FCHSD2: variants seen among roughly 807,000 people sequenced by gnomAD.
FCHSD2 encodes the protein FCH and double SH3 domains 2.
In FCHSD2, 38 loss-of-function variants were observed where a neutral mutation model predicts 108.1. The ratio of observed to expected loss-of-function variants is 0.35; its 90% confidence interval spans 0.27 to 0.46. The LOEUF is 0.46. Ranked by LOEUF, FCHSD2 falls within the 20% of genes least tolerant of loss-of-function variation. The pLI is 1.00. For synonymous variants in FCHSD2, 279 were observed against 314.7 expected, an observed-to-expected ratio of 0.89 and a Z score of 1.20; for missense variants, 751 against 897.8, an observed-to-expected ratio of 0.84 and a Z score of 2.09.
intron 3 of FCHSD2, among the ~76,000 whole-genome samples, chr11:73,079,787 CA>C (rs1465797455): frequency 6.6e-6 from 1 of 151,868 alleles, no homozygotes; most frequent in East Asian, 1.9e-4. Context: ...ATCTAAAGGG[CA>C]AATGTGATAA....
intron 4 of FCHSD2, among the ~76,000 whole-genome samples, chr11:73,005,340 A>C (rs1857716910): frequency 6.6e-6 from 1 of 152,216 alleles, no homozygotes; most frequent in African/African-American, 2.4e-5. Flanking sequence ...TTGCTTGCCA[A>C]AGTCATCAAA....
At chr11:73,098,630 A>T (rs1426389070) in intron 2 of FCHSD2, among the ~76,000 whole-genome samples, 1 of 152,202 alleles carries the variant, frequency 6.6e-6, no homozygotes, top group Non-Finnish European at 1.5e-5. Flanking sequence ...ATCTATGATC[A>T]GCTGATTTTC....
intron 1 of FCHSD2, chr11:73,141,081 G>A (rs1861235595): frequency 6.6e-6 from 1 of 152,314 alleles, no homozygotes; most frequent in African/African-American, 2.4e-5. Context: ...CCATCTGTAG[G>A]ATTAAAAAGA....
intron 3 of FCHSD2, among the ~76,000 whole-genome samples, chr11:73,055,732 G>C (rs1048016724): frequency 6.6e-6 from 1 of 152,122 alleles, no homozygotes; most frequent in African/African-American, 2.4e-5. Context: ...ACAATCTGTA[G>C]AGTAGAAAAG....
intron 2 of FCHSD2, among the ~76,000 whole-genome samples, chr11:73,120,356 G>T (rs1860702446): frequency 1.3e-5 from 2 of 152,206 alleles, no homozygotes; most frequent in East Asian, 3.8e-4. Context: ...CATTTTAAAA[G>T]TCTATTAAGT....
At chr11:73,031,421 A>G (rs1858357865) in intron 3 of FCHSD2, among the ~76,000 whole-genome samples, 2 of 151,944 alleles carry the variant, frequency 1.3e-5, no homozygotes, top group Non-Finnish European at 2.9e-5. Flanking sequence ...GGCTGCATTG[A>G]GTTGTGACTA....
chr11:73,049,599 G>A (rs1207090086), intron 3 of FCHSD2, among the ~76,000 whole-genome samples: 1 of 150,900 alleles, frequency 6.6e-6, no homozygotes, highest in Non-Finnish European at 1.5e-5. Context: ...ACACGTTAGT[G>A]GGTGCAGCGC....
At chr11:72,956,135 C>G (rs566393403) in intron 8 of FCHSD2, among the ~76,000 whole-genome samples, 1 of 151,944 alleles carries the variant, frequency 6.6e-6, no homozygotes, top group East Asian at 1.9e-4. Flanking sequence ...GCAATTTGAG[C>G]GTAAAAATAA....
intron 2 of FCHSD2, among the ~76,000 whole-genome samples, chr11:73,126,495 C>A (rs961069953): frequency 5.3e-5 from 8 of 151,754 alleles, no homozygotes; most frequent in African/African-American, 1.9e-4. Flanking sequence ...ATTCTTAATA[C>A]TTGTACATAT....
chr11:72,942,722 C>T (rs1477322327), intron 8 of FCHSD2, among the ~76,000 whole-genome samples: 1 of 152,068 alleles, frequency 6.6e-6, no homozygotes, highest in South Asian at 2.1e-4. Context: ...ATGGTATATG[C>T]TATGCTATTC....
intron 8 of FCHSD2, among the ~76,000 whole-genome samples, chr11:72,948,075 T>G (rs1856552083): frequency 6.6e-6 from 1 of 152,206 alleles, no homozygotes; most frequent in African/African-American, 2.4e-5. Context: ...TGGTGCGATC[T>G]CGGCTCACTG....
At chr11:72,934,977 A>G (rs752109059) in intron 8 of FCHSD2, among the ~76,000 whole-genome samples, 1 of 152,132 alleles carries the variant, frequency 6.6e-6, no homozygotes, top group African/African-American at 2.4e-5. Context: ...CCAGGTAGCT[A>G]TTAGGCCACA....
At position 72,837,832 on chromosome 11, in the gene FCHSD2, T is replaced by C. The variant is rs1860779819; in HGVS notation, c.*959A>G. 6.6e-6 allele frequency: 1 copy of C among 152,254 alleles called. No individual in the cohort carries two copies. The highest frequency in any genetic ancestry group is 2.4e-5 in the African/African-American group (1 of 41,466). The allele number at this position is 152,254 out of a possible 1,614,324, so 9.4% of individuals were successfully genotyped here. A position where few individuals can be genotyped will look rare whatever the true frequency, so the allele number is the denominator to read the frequency against. On this transcript the variant is annotated 3_prime_UTR_variant, in exon 20 of 20. Transcript: ENST00000409418. ...GTCTGGACCAGCCACAGCCTGGCTG[T>C]CTGGGCCGGTCTGCTGGCTTGGGAA...
intron 12 of FCHSD2, among the ~76,000 whole-genome samples, chr11:72,884,889 C>G (rs2135241040): frequency 6.6e-6 from 1 of 152,212 alleles, no homozygotes; most frequent in East Asian, 1.9e-4. Context: ...ACCACTGCAC[C>G]TGGCCTAAAA....
intron 2 of FCHSD2, among the ~76,000 whole-genome samples, chr11:73,128,184 G>A (rs1290295512): frequency 6.6e-6 from 1 of 152,110 alleles, no homozygotes; most frequent in African/African-American, 2.4e-5. Context: ...AAGGAATTGG[G>A]AAGAGGGAAT....
At chr11:73,033,341 C>T (rs1219154432) in intron 3 of FCHSD2, among the ~76,000 whole-genome samples, 2 of 151,198 alleles carry the variant, frequency 1.3e-5, no homozygotes, top group East Asian at 3.9e-4. Flanking sequence ...TAGGAGGCTA[C>T]CACTCTAGTC....
intron 10 of FCHSD2, 105 bp downstream of exon 10, chr11:72,902,438 T>G: frequency 1.3e-5 from 8 of 612,332 alleles, no homozygotes; most frequent in Non-Finnish European, 2.2e-5. Flanking sequence ...ATAAAATTGA[T>G]GAGATATACT....
chr11:73,115,849 T>C (rs916185100), intron 2 of FCHSD2, among the ~76,000 whole-genome samples: 1 of 152,232 alleles, frequency 6.6e-6, no homozygotes, highest in African/African-American at 2.4e-5. Context: ...GTAGCCTCCT[T>C]TACTTAAAGT....
At chr11:73,135,565 T>C (rs1371228369) in intron 2 of FCHSD2, among the ~76,000 whole-genome samples, 1 of 152,162 alleles carries the variant, frequency 6.6e-6, no homozygotes, top group African/African-American at 2.4e-5. Context: ...TTATTGTAAG[T>C]GGTCTTAAAA....
Sources: allele counts gnomAD v4.1 joint callset (sites outside exome capture counted in the v4.1 genomes callset), GRCh38; gene constraint gnomAD v4.1.1; transcripts MANE v1.5; gene names NCBI Gene and HGNC (gene_info 2026-07-23, HGNC 2026-07-21).